The following GTF2I variants were observed in gnomAD, a reference collection of about 807,000 sequenced individuals.
The protein encoded by GTF2I is general transcription factor IIi.
In GTF2I, 12 loss-of-function variants were observed where a neutral mutation model predicts 67.6. The ratio of observed to expected loss-of-function variants is 0.18; its 90% CI spans 0.11 to 0.29. The LOEUF (loss-of-function observed/expected upper bound fraction) is 0.29, where lower values mean the gene tolerates loss of function less well. GTF2I is among the 10% of genes least tolerant of loss of function. The pLI is 1.00. For missense variants in GTF2I, 271 were observed against 580.1 expected (o/e 0.47, Z 5.47); for synonymous variants, 149 against 197.0 (o/e 0.76, Z 2.04).
chr7:74,672,677 C>T (rs1554391063), intron 1 of GTF2I, among the ~76,000 whole-genome samples: 1 of 152,238 alleles, frequency 6.6e-6, no homozygotes. Context: ...ATAAGCAAGG[C>T]ATACAGAAGT....
intron 8 of GTF2I, among the ~76,000 whole-genome samples, chr7:74,708,686 G>A (rs1253238410): frequency 6.6e-6 from 1 of 152,178 alleles, no homozygotes; most frequent in Non-Finnish European, 1.5e-5. Context: ...CTTTGTGGCA[G>A]AGACTCACAT....
intron 1 of GTF2I, among the ~76,000 whole-genome samples, chr7:74,688,697 TTC>T (rs1787965373): frequency 6.6e-6 from 1 of 152,194 alleles, no homozygotes; most frequent in South Asian, 2.1e-4. Context: ...GAAGAGAAAC[TTC>T]TCTCCACTCA....
Position 74,683,694 on chromosome 7 carries a change from A to G in GTF2I, c.-5-5430A>G, listed in dbSNP as rs915523547. Among the ~76,000 whole-genome samples, 10 of 152,020 alleles carry G rather than the reference A, an allele frequency of 6.6e-5. 1 individual carries two copies. The highest frequency in any genetic ancestry group is 2.6e-4 in the Admixed American group (4 of 15,246). ...GTGGTGAAACCCCATCTCTACTAAA[A>G]ATACAAAAATTACCCGGGTGTGGTG... On this transcript the variant is annotated intron_variant, in intron 1 of 34. Coordinates refer to ENST00000573035, the MANE Select transcript of GTF2I (RefSeq NM_032999.4).
chr7:74,723,214 C>T (rs782240633), intron 12 of GTF2I, among the ~76,000 whole-genome samples: 7 of 150,062 alleles, frequency 4.7e-5, no homozygotes, highest in Non-Finnish European at 7.4e-5. Flanking sequence ...TCCCCTGCCT[C>T]CCAGGTTTAA....
At chr7:74,659,512 C>T (rs1351452701) in intron 1 of GTF2I, among the ~76,000 whole-genome samples, 1 of 152,052 alleles carries the variant, frequency 6.6e-6, no homozygotes, top group Admixed American at 6.6e-5. Context: ...GCCTCAGCCT[C>T]CTGAGTAGCT....
At chr7:74,686,889 G>A (rs587741302) in intron 1 of GTF2I, among the ~76,000 whole-genome samples, 5 of 149,362 alleles carry the variant, frequency 3.3e-5, no homozygotes, top group Non-Finnish European at 7.4e-5. Flanking sequence ...TGTTTGTTTT[G>A]TTTTTGTTTT....
Position 74,718,657 on chromosome 7 carries a change from G to GT in GTF2I, c.881-220dup, listed in dbSNP as rs587674968. 1.2e-3 allele frequency among the ~76,000 whole-genome samples: 187 copies of GT among 152,224 alleles called. 1 individual carries two copies. The highest frequency in any genetic ancestry group is 6.0e-3 in the South Asian group (29 of 4,822). On this transcript the variant is annotated intron_variant, in intron 11 of 34. Transcript: ENST00000573035. ...TTGAGTCAATTTCTGCAGGTAACAT[G>GT]TTATCATCTAAATTTTTCCAGAGTT...
chr7:74,672,903 C>T (rs1197813888), intron 1 of GTF2I, among the ~76,000 whole-genome samples: 1 of 152,174 alleles, frequency 6.6e-6, no homozygotes, highest in Non-Finnish European at 1.5e-5. Context: ...TTCTGCTGCC[C>T]AGGCTGGAGT....
At chr7:74,671,538 T>C (rs1805456312) in intron 1 of GTF2I, among the ~76,000 whole-genome samples, 2 of 151,980 alleles carry the variant, frequency 1.3e-5, no homozygotes, top group Non-Finnish European at 1.5e-5. Flanking sequence ...TACAACACAG[T>C]TGTAAATCGT....
intron 1 of GTF2I, among the ~76,000 whole-genome samples, chr7:74,670,689 CAAAAAAAAACAAAAAAAAAACAAA>C (rs1380574178): frequency 2.5e-5 from 2 of 80,906 alleles, no homozygotes; most frequent in Non-Finnish European, 4.9e-5. Context: ...GACTCTTTCT[CAAAAAAAAACAAAAAAAAAACAAA>C]AAAAAAAAAC....
At chr7:74,697,835 C>T (rs1789101394) in intron 3 of GTF2I, among the ~76,000 whole-genome samples, 3 of 151,366 alleles carry the variant, frequency 2.0e-5, no homozygotes, top group Admixed American at 2.0e-4. Flanking sequence ...GTGGTGCAAT[C>T]TTGGCTCACT....
chr7:74,731,604 G>A (rs1794486894), intron 14 of GTF2I, among the ~76,000 whole-genome samples: 1 of 150,740 alleles, frequency 6.6e-6, no homozygotes, highest in African/African-American at 2.4e-5. Flanking sequence ...GTCTGGAGTG[G>A]CACGATCTTG....
chr7:74,734,525 C>T (rs1554407294), intron 16 of GTF2I, among the ~76,000 whole-genome samples: 1 of 152,090 alleles, frequency 6.6e-6, no homozygotes, highest in African/African-American at 2.4e-5. Context: ...TGGGTTCAAG[C>T]AGTTCTCCTG....
chr7:74,665,889 A>G (rs1554388322), intron 1 of GTF2I, among the ~76,000 whole-genome samples: 1 of 152,200 alleles, frequency 6.6e-6, no homozygotes, highest in South Asian at 2.1e-4. Context: ...GCTGGAGTGC[A>G]GTGGCGGGAT....
chr7:74,685,922 G>A (rs191332173), intron 1 of GTF2I, among the ~76,000 whole-genome samples: 2,796 of 152,078 alleles, frequency 0.018, 77 homozygotes, highest in African/African-American at 0.064. Context: ...GCGTGGTGGC[G>A]GGCGCCTGTA....
At chr7:74,718,045 G>A (rs1554403948) in intron 11 of GTF2I, among the ~76,000 whole-genome samples, 1 of 152,216 alleles carries the variant, frequency 6.6e-6, no homozygotes, top group African/African-American at 2.4e-5. Flanking sequence ...CTAGGTAATA[G>A]ATCATGTGCA....
chr7:74,706,373 CT>C lies in GTF2I; in HGVS notation c.642-14del. The C allele has an allele frequency of 1.2e-6, 2 of 1,612,368 alleles. No homozygotes were observed. The highest frequency in any genetic ancestry group is 3.3e-4 in the Middle Eastern group (2 of 6,062). The stretch of plus-strand genomic sequence containing the variant: ...TCACCAGCACGTGGCTTGATCAGGG[CT>C]TTCTTCTCCTTGCAGTTGTGGCCCC... On this transcript the variant is annotated splice_polypyrimidine_tract_variant and intron_variant, in intron 7 of 34. Transcript: ENST00000573035.
chr7:74,705,074 C>T (rs1484427824), intron 6 of GTF2I, 90 bp from the exon 7 acceptor site: 2 of 805,214 alleles, frequency 2.5e-6, no homozygotes, highest in African/African-American at 1.7e-5. Flanking sequence ...AAGCCTAGTT[C>T]TACCCCACTA....
At chr7:74,715,907 G>T (rs1792204137) in intron 10 of GTF2I, among the ~76,000 whole-genome samples, 1 of 151,986 alleles carries the variant, frequency 6.6e-6, no homozygotes, top group African/African-American at 2.4e-5. Flanking sequence ...CAGTTTTTCA[G>T]ACCGTAAGCA....
Sources: gnomAD v4.1 joint callset for allele counts (sites outside exome capture counted in the v4.1 genomes callset) on GRCh38, gnomAD v4.1.1 for gene constraint, MANE v1.5 for transcripts, NCBI Gene and HGNC (gene_info 2026-07-23, HGNC 2026-07-21) for gene names.